CELF2: variants seen among roughly 807,000 people sequenced by gnomAD.
CELF2 encodes the protein CUG triplet repeat RNA-binding protein 2.
CELF2 carries 8 observed loss-of-function variants against 62.6 expected under a neutral mutation model. The observed-to-expected ratio is 0.13, with a 90% confidence interval of 0.07 to 0.23. CELF2 has a LOEUF of 0.23. Among genes scored for constraint, CELF2 ranks in the 10% least tolerant of loss-of-function variants. The pLI, the probability that CELF2 is intolerant of heterozygous loss-of-function variation, is 1.00. For synonymous variants in CELF2, 258 were observed against 250.0 expected (o/e 1.03, Z -0.30); for missense variants, 333 against 671.0 (o/e 0.50, Z 5.56).
chr10:10,520,791 G>T, the CELF2 span, among the ~76,000 whole-genome samples: 1 of 152,146 alleles, frequency 6.6e-6, no homozygotes, highest in Admixed American at 6.5e-5. Flanking sequence ...GCATCAGAAG[G>T]CTTGAGCTTT....
intron 1 of CELF2, among the ~76,000 whole-genome samples, chr10:11,023,972 A>G (rs2058738879): frequency 6.6e-6 from 1 of 152,210 alleles, no homozygotes; most frequent in South Asian, 2.1e-4. Context: ...AATTTTATTT[A>G]CTCCATTTGA....
At chr10:10,729,620 CA>C in the CELF2 span, among the ~76,000 whole-genome samples, 1 of 150,666 alleles carries the variant, frequency 6.6e-6, no homozygotes. Flanking sequence ...AACAAACAAA[CA>C]AAAAAAAATT....
chr10:10,981,592 A>G (rs2052110435), intron 2 of CELF2, among the ~76,000 whole-genome samples: 1 of 152,262 alleles, frequency 6.6e-6, no homozygotes. Context: ...AATGAAACTC[A>G]GAGGAAATAG....
At chr10:10,731,054 A>G in the CELF2 span, among the ~76,000 whole-genome samples, 1 of 152,172 alleles carries the variant, frequency 6.6e-6, no homozygotes, top group Non-Finnish European at 1.5e-5. Context: ...AAAATGCCAC[A>G]TGGTATACCC....
chr10:11,222,701 T>G (rs1371401438), intron 3 of CELF2, among the ~76,000 whole-genome samples: 1 of 152,246 alleles, frequency 6.6e-6, no homozygotes, highest in East Asian at 1.9e-4. Flanking sequence ...GGTATGTGTT[T>G]AGTAAGTAGC....
Position 11,266,605 on chromosome 10 carries a change from G to A in CELF2, c.546G>A (p.Ala182=), listed in dbSNP as rs777547486. The A allele has an allele frequency of 1.9e-5, 30 of 1,613,680 alleles. No homozygotes were observed. Among genetic ancestry groups the A allele is most frequent in the South Asian group, 4.4e-5 (4 of 91,064 alleles). Residue 182 remains alanine, a synonymous_variant, in exon 6 of 13, where the codon GCG becomes GCA. Transcript: ENST00000633077. ...RGPDGLSRGC[A]FVTFSTRAMA... is the part of the protein sequence containing the mutation. ...TCCCCTTGTTTCCCACAGGCTGTGC[G>A]TTTGTCACATTTTCTACAAGGGCAA...
the CELF2 span, among the ~76,000 whole-genome samples, chr10:10,764,763 G>C: frequency 1.3e-5 from 2 of 152,166 alleles, no homozygotes; most frequent in African/African-American, 4.8e-5. Flanking sequence ...GGAAGTAACA[G>C]AGTGAAGATG....
intron 1 of CELF2, among the ~76,000 whole-genome samples, chr10:11,115,421 T>C (rs1261092765): frequency 6.6e-6 from 1 of 152,174 alleles, no homozygotes; most frequent in Non-Finnish European, 1.5e-5. Context: ...TTGCCCTTTC[T>C]TGTAGGGAAA....
intron 1 of CELF2, among the ~76,000 whole-genome samples, chr10:10,908,953 A>T (rs542905487): frequency 6.6e-6 from 1 of 152,056 alleles, no homozygotes; most frequent in African/African-American, 2.4e-5. Flanking sequence ...TGCCAGGCTA[A>T]TTTTTTAGTA....
At chr10:10,774,508 G>A in the CELF2 span, among the ~76,000 whole-genome samples, 1 of 152,146 alleles carries the variant, frequency 6.6e-6, no homozygotes, top group Non-Finnish European at 1.5e-5. Flanking sequence ...GTTCTTATGA[G>A]ATCTGGTTGT....
At chr10:11,166,016 C>G (rs2067033390) in intron 2 of CELF2, among the ~76,000 whole-genome samples, 1 of 152,244 alleles carries the variant, frequency 6.6e-6, no homozygotes, top group Admixed American at 6.5e-5. Context: ...CGAGGAATCG[C>G]GTTTCCCAGC....
Position 11,164,431 on chromosome 10 carries a change from G to A in CELF2, c.75-1055G>A, listed in dbSNP as rs147431036. ...TCCAAATGGGGATTTTGGAAACAGC[G>A]TTGAGGAGGACTGATATGCAAAAGC... On this transcript the variant is annotated intron_variant, in intron 1 of 12. Transcript: ENST00000633077. 1.6e-4 allele frequency among the ~76,000 whole-genome samples: 24 copies of A among 152,336 alleles called. No individual in the cohort carries two copies. The East Asian group carries it at 1.9e-3, about 12-fold the overall frequency.
chr10:10,653,964 C>A, the CELF2 span, among the ~76,000 whole-genome samples: 1 of 151,752 alleles, frequency 6.6e-6, no homozygotes, highest in Non-Finnish European at 1.5e-5. Flanking sequence ...AATTGATAGA[C>A]CGCTAGCAAG....
chr10:11,198,851 G>A (rs2058578898), intron 2 of CELF2, among the ~76,000 whole-genome samples: 1 of 152,244 alleles, frequency 6.6e-6, no homozygotes, highest in South Asian at 2.1e-4. Context: ...TAGACTGTTA[G>A]TGATGTTTTG....
chr10:11,183,354 C>G (rs2074000386), intron 2 of CELF2, among the ~76,000 whole-genome samples: 1 of 152,136 alleles, frequency 6.6e-6, no homozygotes, highest in South Asian at 2.1e-4. Context: ...TCTTGATGAG[C>G]CTTTGGGTTG....
At position 11,280,605 on chromosome 10, in the gene CELF2, G is replaced by T. The variant is rs1284307550; in HGVS notation, c.841+5485G>T. Among the ~76,000 whole-genome samples the T allele has an allele frequency of 6.6e-6, 1 of 152,188 alleles. No individual in the cohort carries two copies. The highest frequency in any genetic ancestry group is 2.1e-4 in the South Asian group (1 of 4,830). On this transcript the variant is annotated intron_variant, in intron 8 of 12. Coordinates refer to ENST00000633077, the MANE Select transcript of CELF2 (RefSeq NM_001326342.2). This position sits in a 1 kb window ranked among gnomAD's most constrained non-coding sequence, Gnocchi z 7.6. ...CCAAGACAGTCCCCACGCTCTTCTC[G>T]CCCCGGGTTATTACTGTGGTGTGAC...
chr10:10,808,036 A>C (rs1486476728), intron 1 of CELF2, among the ~76,000 whole-genome samples: 4 of 152,212 alleles, frequency 2.6e-5, no homozygotes, highest in Admixed American at 1.3e-4. Flanking sequence ...AGAGTAAAAC[A>C]GTCACTATTT....
At chr10:10,613,354 A>G in the CELF2 span, among the ~76,000 whole-genome samples, 5 of 152,218 alleles carry the variant, frequency 3.3e-5, no homozygotes, top group Non-Finnish European at 7.4e-5. Flanking sequence ...GCATGTTTAC[A>G]TTTAATATCA....
chr10:10,845,778 G>C (rs2058975866), intron 1 of CELF2, among the ~76,000 whole-genome samples: 2 of 152,084 alleles, frequency 1.3e-5, no homozygotes, highest in African/African-American at 2.4e-5. Flanking sequence ...GCACTTTCAT[G>C]TGATGGCAGG....
Sources: gnomAD v4.1 joint callset for allele counts (sites outside exome capture counted in the v4.1 genomes callset) on GRCh38, gnomAD v4.1.1 for gene constraint, Gnocchi (gnomAD v3.1) non-coding constraint, MANE v1.5 for transcripts, NCBI Gene and HGNC (gene_info 2026-07-23, HGNC 2026-07-21) for gene names.